The following ZBTB7C variants were observed in gnomAD, a reference collection of about 807,000 sequenced individuals.
The protein encoded by ZBTB7C is zinc finger and BTB domain-containing protein 7C.
Under a neutral mutation model 25.7 loss-of-function variants are expected in ZBTB7C, and 8 were observed. That is an observed-to-expected ratio of 0.31 (90% CI 0.18 to 0.56). The LOEUF is 0.56. Among genes scored for constraint, ZBTB7C ranks in the 20% least tolerant of loss-of-function variants. The probability of loss-of-function intolerance (pLI) is 0.91; values close to 1 mark genes in which losing one functional copy is unlikely to be tolerated. For missense variants in ZBTB7C, 824 were observed against 855.2 expected (o/e 0.96, Z 0.46); for synonymous variants, 394 against 369.0 (o/e 1.07, Z -0.78).
intron 3 of ZBTB7C, among the ~76,000 whole-genome samples, chr18:48,155,915 C>G (rs934223119): frequency 6.6e-6 from 1 of 152,178 alleles, no homozygotes; most frequent in African/African-American, 2.4e-5. Context: ...AATACTCAGC[C>G]TGTCAAAGTT....
chr18:48,060,334 C>T (rs1407258250), intron 3 of ZBTB7C, among the ~76,000 whole-genome samples: 1 of 152,042 alleles, frequency 6.6e-6, no homozygotes, highest in Admixed American at 6.5e-5. Flanking sequence ...TGGGGATGGC[C>T]ACCCTTCACT....
intron 3 of ZBTB7C, chr18:48,149,003 A>G (rs2040583210): frequency 6.6e-6 from 1 of 152,188 alleles, no homozygotes; most frequent in East Asian, 1.9e-4. Flanking sequence ...TTTGTTATCC[A>G]CCTGTATATT....
chr18:48,327,615 A>T (rs1893834), intron 2 of ZBTB7C, among the ~76,000 whole-genome samples: 1 of 151,910 alleles, frequency 6.6e-6, no homozygotes, highest in East Asian at 2.0e-4. Flanking sequence ...ATGCCCCACA[A>T]CCTGGCATTG....
intron 1 of ZBTB7C, among the ~76,000 whole-genome samples, chr18:48,383,928 T>C (rs1415655665): frequency 6.6e-6 from 1 of 152,136 alleles, no homozygotes; most frequent in African/African-American, 2.4e-5. Context: ...AGCATGGGTA[T>C]TAGAAAGATA....
chr18:48,363,344 G>A (rs948365078), intron 1 of ZBTB7C, among the ~76,000 whole-genome samples: 4 of 152,150 alleles, frequency 2.6e-5, no homozygotes, highest in African/African-American at 9.7e-5. Flanking sequence ...GAGTTGGAAT[G>A]TGGACATTAA....
At chr18:48,172,570 C>T (rs528640139) in intron 3 of ZBTB7C, among the ~76,000 whole-genome samples, 5 of 152,354 alleles carry the variant, frequency 3.3e-5, no homozygotes, top group Non-Finnish European at 7.3e-5. Context: ...AGGACGCACC[C>T]GCCACATCGT....
intron 1 of ZBTB7C, among the ~76,000 whole-genome samples, chr18:48,360,524 C>T (rs1362793884): frequency 6.6e-6 from 1 of 152,180 alleles, no homozygotes; most frequent in Non-Finnish European, 1.5e-5. Flanking sequence ...GGGCCAGGGC[C>T]AGAGTACTAG....
intron 3 of ZBTB7C, among the ~76,000 whole-genome samples, chr18:48,183,514 G>T (rs535380423): frequency 4.5e-4 from 68 of 152,288 alleles, no homozygotes; most frequent in African/African-American, 1.5e-3. Context: ...CAGACTTCGG[G>T]ATTGATTTCT....
chr18:48,186,674 CAATGTG>C (rs1230838700), intron 2 of ZBTB7C, among the ~76,000 whole-genome samples: 2 of 152,106 alleles, frequency 1.3e-5, no homozygotes, highest in Admixed American at 6.5e-5. Context: ...TAAAGTGTTG[CAATGTG>C]AGTCTGGGCA....
At position 48,041,095 on chromosome 18, in the gene ZBTB7C, T is replaced by C; in HGVS notation, c.13A>G (p.Ile5Val). 1.2e-6 allele frequency: 2 copies of C among 1,600,418 alleles called. No homozygotes were observed. Among genetic ancestry groups the C allele is most frequent in the Non-Finnish European group, 1.7e-6 (2 of 1,170,844 alleles). The change falls in exon 4 of 5, where the codon ATT (isoleucine) becomes GTT (valine). Residue 5 changes from isoleucine (I) to valine (V), a missense_variant. This residue lies in a region of ZBTB7C where 117 missense variants were observed against 167.7 expected (regional missense o/e 0.70). Transcript: ENST00000590800. ...AAGGGAATGCCAATGAGCTCATCAA[T>C]GTCATTGGCCATGTTCTCAGCCAGA... MAND[I>V]DELIGIPFPN...
chr18:48,049,388 T>C (rs1250084842), intron 3 of ZBTB7C, among the ~76,000 whole-genome samples: 1 of 152,190 alleles, frequency 6.6e-6, no homozygotes, highest in Admixed American at 6.5e-5. Context: ...ACTTGGGTTA[T>C]TTGGAAGTCC....
At chr18:48,253,296 A>G (rs12967400) in intron 2 of ZBTB7C, among the ~76,000 whole-genome samples, 57,997 of 152,088 alleles carry the variant, frequency 0.38, 13,199 homozygotes, top group Non-Finnish European at 0.53. Flanking sequence ...TACTTAAAAA[A>G]ATAAAGATCC....
At chr18:48,243,348 A>G (rs1046623629) in intron 2 of ZBTB7C, among the ~76,000 whole-genome samples, 5 of 151,514 alleles carry the variant, frequency 3.3e-5, no homozygotes. Flanking sequence ...CCAATGATGT[A>G]TACAAATCAA....
At chr18:48,407,007 C>T (rs1483194419) in intron 1 of ZBTB7C, among the ~76,000 whole-genome samples, 1 of 152,192 alleles carries the variant, frequency 6.6e-6, no homozygotes, top group African/African-American at 2.4e-5. Context: ...AATTTAGACA[C>T]TTTGTTTGCT....
chr18:48,328,577 C>A (rs2046277025), intron 2 of ZBTB7C, among the ~76,000 whole-genome samples: 1 of 152,152 alleles, frequency 6.6e-6, no homozygotes, highest in Admixed American at 6.5e-5. Flanking sequence ...AGGGGAGGAA[C>A]CCCCCTCCCA....
intron 1 of ZBTB7C, among the ~76,000 whole-genome samples, chr18:48,399,707 C>T (rs1426919455): frequency 3.3e-5 from 5 of 152,170 alleles, no homozygotes; most frequent in African/African-American, 1.2e-4. Context: ...TACTTAGTGA[C>T]AATCTCATTT....
At chr18:48,371,127 G>A (rs1174113752) in intron 1 of ZBTB7C, among the ~76,000 whole-genome samples, 1 of 152,040 alleles carries the variant, frequency 6.6e-6, no homozygotes, top group African/African-American at 2.4e-5. Flanking sequence ...CTCTCAAAGG[G>A]GTTCATTTCC....
intron 2 of ZBTB7C, among the ~76,000 whole-genome samples, chr18:48,240,632 A>G (rs774799304): frequency 2.0e-5 from 3 of 152,214 alleles, no homozygotes; most frequent in Non-Finnish European, 4.4e-5. Context: ...AGTCTTTTTC[A>G]GACAAACAAA....
chr18:48,194,314 ATCCTGCAGCTCTCTG>A (rs912941619), intron 2 of ZBTB7C, among the ~76,000 whole-genome samples: 1 of 152,228 alleles, frequency 6.6e-6, no homozygotes, highest in African/African-American at 2.4e-5. Context: ...CTTCTAAGTC[ATCCTGCAGCTCTCTG>A]TCCATTGCAG....
Sources: gnomAD v4.1 joint callset for allele counts (sites outside exome capture counted in the v4.1 genomes callset) on GRCh38, gnomAD v4.1.1 for gene constraint, gnomAD v4.1.1 regional missense constraint, MANE v1.5 for transcripts, NCBI Gene and HGNC (gene_info 2026-07-23, HGNC 2026-07-21) for gene names.